KLHL3: variants seen among roughly 807,000 people sequenced by gnomAD.
KLHL3 encodes kelch-like protein 3.
Under a neutral mutation model 70.5 loss-of-function variants are expected in KLHL3, and 19 were observed. The ratio of observed to expected loss-of-function variants is 0.27; its 90% confidence interval spans 0.19 to 0.40. KLHL3 has a LOEUF of 0.40. Among genes scored for constraint, KLHL3 ranks in the 10% least tolerant of loss-of-function variants. KLHL3 has a pLI of 1.00. For missense variants in KLHL3, 512 were observed against 771.1 expected, an observed-to-expected ratio of 0.66 and a Z score of 3.98; for synonymous variants, 258 against 290.3, an observed-to-expected ratio of 0.89 and a Z score of 1.13.
At chr5:137,686,523 T>C (rs892261955) in intron 5 of KLHL3, among the ~76,000 whole-genome samples, 11 of 152,232 alleles carry the variant, frequency 7.2e-5, no homozygotes, top group African/African-American at 2.7e-4. Flanking sequence ...CCTTGTAGTT[T>C]GTTGGCATGA....
chr5:137,676,073 G>T (rs188789223), intron 6 of KLHL3, among the ~76,000 whole-genome samples: 201 of 152,270 alleles, frequency 1.3e-3, no homozygotes, highest in Non-Finnish European at 1.5e-3. Context: ...GCACACACAC[G>T]CATTCAAGGA....
intron 5 of KLHL3, among the ~76,000 whole-genome samples, chr5:137,683,731 C>A (rs1752089670): frequency 6.7e-6 from 1 of 148,192 alleles, no homozygotes; most frequent in South Asian, 2.2e-4. Context: ...TGTCCTCTCC[C>A]TCTCTTTCTC....
intron 8 of KLHL3, among the ~76,000 whole-genome samples, chr5:137,644,276 G>C (rs1750988635): frequency 6.6e-6 from 1 of 152,236 alleles, no homozygotes; most frequent in African/African-American, 2.4e-5. Flanking sequence ...CACCATGTTG[G>C]TCAGTCTGGT....
At chr5:137,716,635 A>T (rs1752898499) in intron 2 of KLHL3, among the ~76,000 whole-genome samples, 1 of 152,250 alleles carries the variant, frequency 6.6e-6, no homozygotes, top group Admixed American at 6.5e-5. Flanking sequence ...TTGCTCTCCA[A>T]GTTCAAAAAC....
chr5:137,668,080 G>T (rs2905583), intron 6 of KLHL3, among the ~76,000 whole-genome samples: 29,629 of 152,062 alleles, frequency 0.19, 3,125 homozygotes, highest in African/African-American at 0.27. Flanking sequence ...CAAACATTAT[G>T]CAATTTGCAT....
chr5:137,659,604 G>A (rs1053337860), intron 7 of KLHL3, among the ~76,000 whole-genome samples: 2 of 152,162 alleles, frequency 1.3e-5, no homozygotes, highest in Non-Finnish European at 2.9e-5. Flanking sequence ...GGGAGAGGAT[G>A]CCTGAAAAAG....
chr5:137,663,300 G>A lies in KLHL3; in HGVS notation c.637-1269C>T, dbSNP rs555477892. ...TCAAACTCCTGACCTCAAGTGATCC[G>A]CCTGCCTTAGCCTCCCAAAGTGCTG... On this transcript the variant is annotated intron_variant, in intron 6 of 14. Coordinates refer to ENST00000309755, the MANE Select transcript of KLHL3 (RefSeq NM_017415.3). Among the ~76,000 whole-genome samples the A allele has an allele frequency of 1.1e-3, 174 of 151,430 alleles. 1 individual carries two copies. Among genetic ancestry groups the A allele is most frequent in the African/African-American group, 4.1e-3 (168 of 41,360 alleles).
intron 6 of KLHL3, among the ~76,000 whole-genome samples, chr5:137,668,613 A>G (rs1751672491): frequency 6.6e-6 from 1 of 152,202 alleles, no homozygotes; most frequent in African/African-American, 2.4e-5. Flanking sequence ...TTCTAGACAA[A>G]AGAATGATTC....
At chr5:137,717,619 G>A (rs1453172091) in intron 2 of KLHL3, among the ~76,000 whole-genome samples, 1 of 152,178 alleles carries the variant, frequency 6.6e-6, no homozygotes, top group African/African-American at 2.4e-5. Context: ...AATGTCTTTT[G>A]CAATGAGACA....
chr5:137,677,692 A>G, intron 5 of KLHL3, 38 bp from the exon 6 acceptor site: 2 of 1,313,952 alleles, frequency 1.5e-6, no homozygotes, highest in Admixed American at 2.2e-5. Flanking sequence ...AAGAAAACAA[A>G]GTTGTAACAC....
intron 3 of KLHL3, among the ~76,000 whole-genome samples, chr5:137,709,343 G>A (rs1281048916): frequency 1.3e-5 from 2 of 152,214 alleles, no homozygotes; most frequent in Non-Finnish European, 2.9e-5. Flanking sequence ...AGGAAGCCAA[G>A]TCCCACTCAT....
chr5:137,627,986 G>A (rs945974154), intron 13 of KLHL3: 1 of 316,182 alleles, frequency 3.2e-6, no homozygotes, highest in African/African-American at 2.1e-5. Flanking sequence ...AAAGCTGTTG[G>A]GCAGCGGGCA....
At chr5:137,672,433 AAGG>A (rs1751782462) in intron 6 of KLHL3, among the ~76,000 whole-genome samples, 1 of 152,260 alleles carries the variant, frequency 6.6e-6, no homozygotes, top group Non-Finnish European at 1.5e-5. Context: ...AATGCAGTTT[AAGG>A]AGACAACAGC....
intron 12 of KLHL3, among the ~76,000 whole-genome samples, chr5:137,632,595 A>G (rs2149880754): frequency 6.6e-6 from 1 of 152,318 alleles, no homozygotes; most frequent in Non-Finnish European, 1.5e-5. Context: ...GCATTGGCCT[A>G]GGCAAACAAT....
chr5:137,692,480 A>C, intron 4 of KLHL3, 33 bp from the exon 5 acceptor site: 1 of 1,610,328 alleles, frequency 6.2e-7, no homozygotes, highest in Non-Finnish European at 8.5e-7. Flanking sequence ...CAGATATTGG[A>C]TCCCACTGGC....
chr5:137,631,945 A>T (rs1003323593), intron 12 of KLHL3, among the ~76,000 whole-genome samples: 6 of 143,608 alleles, frequency 4.2e-5, no homozygotes, highest in Non-Finnish European at 7.6e-5. Context: ...GAGGAGGAGG[A>T]GGTAAAATAA....
At position 137,664,921 on chromosome 5, in the gene KLHL3, C is replaced by G. The variant is rs574099468; in HGVS notation, c.637-2890G>C. 2.0e-5 allele frequency among the ~76,000 whole-genome samples: 3 copies of G among 152,228 alleles called. No homozygotes were observed. The South Asian group carries it at 6.2e-4, about 32-fold the overall frequency. On this transcript the variant is annotated intron_variant, in intron 6 of 14. Transcript: ENST00000309755. ...TATTTACATGGAGGGAAAATATCCT[C>G]AAATAGAGAGATCTGATAGACAACA...
chr5:137,649,532 G>C (rs1417541084), intron 8 of KLHL3, among the ~76,000 whole-genome samples: 5 of 152,182 alleles, frequency 3.3e-5, no homozygotes, highest in African/African-American at 7.2e-5. Context: ...GACTGTATGA[G>C]AGACCCTGGG....
In KLHL3 at chr5:137,664,985, G is replaced by A. The variant is rs544405976; in HGVS notation, c.637-2954C>T. Among the ~76,000 whole-genome samples, 5 of 152,080 alleles carry A rather than the reference G, an allele frequency of 3.3e-5. No homozygotes were observed. The South Asian group carries it at 1.0e-3, about 32-fold the overall frequency. ...ACCAAATTTACCACCACCCATAAGA[G>A]GACAAACTTATATTCCTGATTGTGA... is the stretch of plus-strand genomic sequence containing the variant. On this transcript the variant is annotated intron_variant, in intron 6 of 14. Coordinates refer to ENST00000309755, the MANE Select transcript of KLHL3 (RefSeq NM_017415.3).
Sources: gnomAD v4.1 joint callset for allele counts (sites outside exome capture counted in the v4.1 genomes callset) on GRCh38, gnomAD v4.1.1 for gene constraint, MANE v1.5 for transcripts, NCBI Gene and HGNC (gene_info 2026-07-23, HGNC 2026-07-21) for gene names.